The following PTPRM variants were observed in gnomAD, a reference collection of about 807,000 sequenced individuals.
PTPRM encodes the protein protein tyrosine phosphatase receptor type M.
Under a neutral mutation model 186.7 loss-of-function variants are expected in PTPRM, and 47 were observed. The ratio of observed to expected loss-of-function variants is 0.25; its 90% CI spans 0.20 to 0.32. PTPRM has a LOEUF of 0.32. Among genes scored for constraint, PTPRM ranks in the 10% least tolerant of loss-of-function variants. The probability of loss-of-function intolerance (pLI) is 1.00; values close to 1 mark genes in which losing one functional copy is unlikely to be tolerated. For synonymous variants in PTPRM, 668 were observed against 674.9 expected (o/e 0.99, Z 0.16); for missense variants, 1,494 against 1,865.0 (o/e 0.80, Z 3.66).
intron 1 of PTPRM, among the ~76,000 whole-genome samples, chr18:7,674,928 G>C (rs967169146): frequency 1.3e-5 from 2 of 152,168 alleles, no homozygotes; most frequent in Non-Finnish European, 2.9e-5. Flanking sequence ...TGTTTCAAAC[G>C]CATCAGTAGG....
chr18:7,828,234 TC>T (rs1484007801), intron 2 of PTPRM, among the ~76,000 whole-genome samples: 4 of 151,856 alleles, frequency 2.6e-5, no homozygotes, highest in African/African-American at 7.2e-5. Flanking sequence ...CTTTTTTTTT[TC>T]TTTTTTTATT....
At chr18:7,902,397 G>A (rs568091225) in intron 3 of PTPRM, among the ~76,000 whole-genome samples, 1 of 152,300 alleles carries the variant, frequency 6.6e-6, no homozygotes, top group South Asian at 2.1e-4. Context: ...CTAGTCCACA[G>A]GGATGAAGGC....
At chr18:7,657,254 G>T (rs2038872681) in intron 1 of PTPRM, among the ~76,000 whole-genome samples, 1 of 152,144 alleles carries the variant, frequency 6.6e-6, no homozygotes, top group Non-Finnish European at 1.5e-5. Flanking sequence ...ACAGCAACCA[G>T]ATTACAGTGA....
chr18:8,153,353 T>C (rs1008566847), intron 14 of PTPRM, among the ~76,000 whole-genome samples: 1 of 152,198 alleles, frequency 6.6e-6, no homozygotes. Flanking sequence ...TGGGTCTCTC[T>C]GGTAGTCGTT....
At chr18:7,661,535 G>T (rs1412470114) in intron 1 of PTPRM, among the ~76,000 whole-genome samples, 4 of 152,196 alleles carry the variant, frequency 2.6e-5, no homozygotes, top group Non-Finnish European at 2.9e-5. Flanking sequence ...CAATTTCCAG[G>T]CTAGTAAATG....
intron 4 of PTPRM, among the ~76,000 whole-genome samples, chr18:7,915,577 G>A (rs779249943): frequency 4.6e-5 from 7 of 152,164 alleles, no homozygotes; most frequent in Non-Finnish European, 7.4e-5. Flanking sequence ...TGTGGGCTAA[G>A]TATGAGGCAC....
chr18:7,856,884 C>T (rs2047123474), intron 2 of PTPRM, among the ~76,000 whole-genome samples: 1 of 152,124 alleles, frequency 6.6e-6, no homozygotes, highest in Non-Finnish European at 1.5e-5. Flanking sequence ...AGAGGCGGTA[C>T]TCACCTCAAA....
chr18:7,808,774 T>A (rs1176897895), intron 2 of PTPRM, among the ~76,000 whole-genome samples: 1 of 152,304 alleles, frequency 6.6e-6, no homozygotes, highest in Non-Finnish European at 1.5e-5. Context: ...GACAAATGTG[T>A]TAGAATAGAG....
chr18:8,177,015 C>T (rs1323731060), intron 14 of PTPRM, among the ~76,000 whole-genome samples: 1 of 152,166 alleles, frequency 6.6e-6, no homozygotes, highest in Non-Finnish European at 1.5e-5. Flanking sequence ...ACTGATTTCT[C>T]AATTATGTTT....
At chr18:8,215,951 CT>C (rs1430266762) in intron 14 of PTPRM, among the ~76,000 whole-genome samples, 1 of 152,148 alleles carries the variant, frequency 6.6e-6, no homozygotes, top group Non-Finnish European at 1.5e-5. Flanking sequence ...ACCCAGCCCC[CT>C]GTCTGTCAAT....
At chr18:7,686,673 A>G (rs567533659) in intron 1 of PTPRM, among the ~76,000 whole-genome samples, 1 of 152,252 alleles carries the variant, frequency 6.6e-6, no homozygotes, top group East Asian at 1.9e-4. Flanking sequence ...AATATAAACT[A>G]CAAAAATAAT....
At chr18:8,027,797 CTT>C (rs1019687629) in intron 7 of PTPRM, among the ~76,000 whole-genome samples, 4 of 152,120 alleles carry the variant, frequency 2.6e-5, no homozygotes, top group African/African-American at 9.7e-5. Context: ...AAAGACAAGT[CTT>C]ATATTTTAAA....
intron 4 of PTPRM, among the ~76,000 whole-genome samples, chr18:7,907,647 G>A (rs1327479326): frequency 2.6e-5 from 4 of 152,262 alleles, no homozygotes; most frequent in East Asian, 1.9e-4. Context: ...CCTGGCAATT[G>A]GTGTCACTAG....
intron 19 of PTPRM, among the ~76,000 whole-genome samples, chr18:8,290,334 C>T (rs1020086008): frequency 1.3e-5 from 2 of 152,134 alleles, no homozygotes; most frequent in East Asian, 1.9e-4. Context: ...AAACATACTG[C>T]ACATTATGTA....
intron 23 of PTPRM, among the ~76,000 whole-genome samples, chr18:8,361,878 C>T (rs927814734): frequency 6.6e-6 from 1 of 152,178 alleles, no homozygotes; most frequent in Non-Finnish European, 1.5e-5. Context: ...GCTACAAAAA[C>T]TTTATCCGAG....
intron 20 of PTPRM, among the ~76,000 whole-genome samples, chr18:8,299,364 A>G (rs1601697154): frequency 6.6e-6 from 1 of 152,130 alleles, no homozygotes; most frequent in African/African-American, 2.4e-5. Flanking sequence ...AGGCGGGTGG[A>G]TTACATGAGG....
At position 8,281,909 on chromosome 18, in the gene PTPRM, T is replaced by TAC. The variant is rs376255318; in HGVS notation, c.2755-14456_2755-14455dup. Among the ~76,000 whole-genome samples, 342 of 152,278 alleles carry TAC rather than the reference T, an allele frequency of 2.2e-3. 3 individuals are homozygous for TAC. Among genetic ancestry groups the TAC allele is most frequent in the African/African-American group, 7.9e-3 (328 of 41,558 alleles). Reference sequence around the variant, plus strand: ...GGCTTGGTGGAGAATTCTTAGCCATTACACCAAAAGCATTCTCCATTAAAG... The same window carrying TAC: ...GGCTTGGTGGAGAATTCTTAGCCATTACACACCAAAAGCATTCTCCATTAAAG... On this transcript the variant is annotated intron_variant, in intron 19 of 32. Transcript: ENST00000580170.
At chr18:8,107,500 C>T (rs919653141) in intron 11 of PTPRM, among the ~76,000 whole-genome samples, 2 of 152,152 alleles carry the variant, frequency 1.3e-5, no homozygotes, top group African/African-American at 4.8e-5. Flanking sequence ...CAGATTTTAT[C>T]ACTAACTAGC....
intron 2 of PTPRM, among the ~76,000 whole-genome samples, chr18:7,776,889 C>T (rs868390257): frequency 3.3e-5 from 5 of 152,108 alleles, no homozygotes; most frequent in Admixed American, 1.3e-4. Context: ...CATGTACTAT[C>T]CTAAAGTCTA....
Sources: allele counts gnomAD v4.1 joint callset (sites outside exome capture counted in the v4.1 genomes callset), GRCh38; gene constraint gnomAD v4.1.1; transcripts MANE v1.5; gene names NCBI Gene and HGNC (gene_info 2026-07-23, HGNC 2026-07-21).